OPCML: variants seen among roughly 807,000 people sequenced by gnomAD.
OPCML encodes opioid binding protein/cell adhesion molecule like.
OPCML carries 13 observed loss-of-function variants against 37.8 expected under a neutral mutation model. The observed-to-expected ratio is 0.34, with a 90% CI of 0.22 to 0.55. The LOEUF is 0.55. OPCML is among the 20% of genes least tolerant of loss of function. The pLI, the probability that OPCML is intolerant of heterozygous loss-of-function variation, is 0.91. For synonymous variants in OPCML, 176 were observed against 168.8 expected (o/e 1.04, Z -0.33); for missense variants, 341 against 435.6 (o/e 0.78, Z 1.93).
chr11:133,010,052 T>A (rs1947187379), intron 1 of OPCML, among the ~76,000 whole-genome samples: 2 of 152,210 alleles, frequency 1.3e-5, no homozygotes, highest in Admixed American at 1.3e-4. Context: ...CCAAAGAGTT[T>A]CCCACAGCTG....
At chr11:132,800,754 A>G (rs1938596663) in intron 2 of OPCML, among the ~76,000 whole-genome samples, 1 of 152,128 alleles carries the variant, frequency 6.6e-6, no homozygotes, top group African/African-American at 2.4e-5. Flanking sequence ...GACAAATTGT[A>G]TTTAGTCATG....
intron 1 of OPCML, among the ~76,000 whole-genome samples, chr11:133,460,871 A>G (rs1946842994): frequency 6.6e-6 from 1 of 151,922 alleles, no homozygotes. Flanking sequence ...TAAAAGGGTT[A>G]TACACTGTGA....
At chr11:132,518,041 G>A (rs368511546) in intron 4 of OPCML, among the ~76,000 whole-genome samples, 84 of 152,162 alleles carry the variant, frequency 5.5e-4, no homozygotes, top group South Asian at 5.2e-3. Flanking sequence ...AGTGCTATCA[G>A]AATAAAGACA....
chr11:133,191,333 A>G (rs1399630225), intron 1 of OPCML, among the ~76,000 whole-genome samples: 8 of 152,156 alleles, frequency 5.3e-5, no homozygotes, highest in Admixed American at 5.2e-4. Flanking sequence ...TCATTTTATT[A>G]TAAAATGCAA....
chr11:132,430,633 G>A (rs908466350), intron 7 of OPCML, among the ~76,000 whole-genome samples: 2 of 151,988 alleles, frequency 1.3e-5, no homozygotes, highest in South Asian at 2.1e-4. Context: ...TTTCACTTGC[G>A]ATGACAGGAT....
intron 4 of OPCML, among the ~76,000 whole-genome samples, chr11:132,452,451 C>A (rs569221894): frequency 1.3e-5 from 2 of 152,054 alleles, no homozygotes; most frequent in Non-Finnish European, 2.9e-5. Context: ...GAAGCTGGAT[C>A]TAAAAGCTGT....
At chr11:132,690,658 G>A (rs1943363156) in intron 2 of OPCML, among the ~76,000 whole-genome samples, 1 of 152,200 alleles carries the variant, frequency 6.6e-6, no homozygotes, top group South Asian at 2.1e-4. Context: ...AACATGGGAT[G>A]TTTGAGTGTG....
In OPCML at chr11:132,888,452, G is replaced by A. The variant is rs1252175498; in HGVS notation, c.146+54474C>T. Among the ~76,000 whole-genome samples the A allele has an allele frequency of 4.6e-5, 7 of 152,166 alleles. No individual in the cohort carries two copies. The East Asian group carries it at 9.7e-4, about 21-fold the overall frequency. On this transcript the variant is annotated intron_variant, in intron 2 of 7. Transcript: ENST00000524381. ...TGAGGGATGCTCATGGAGAAGGAAC[G>A]TGAAGGAGCCTGTGCCTGCCTTACT...
At position 132,533,780 on chromosome 11, in the gene OPCML, T is replaced by A. The variant is rs188536870; in HGVS notation, c.380-4594A>T. On this transcript the variant is annotated intron_variant, in intron 3 of 7. Coordinates refer to ENST00000524381, the MANE Select transcript of OPCML (RefSeq NM_001012393.5). ...TGCTTGGAAAACCCATTCCCACACC[T>A]ATGCCATCTGATCCACCCACTCTCC... Among the ~76,000 whole-genome samples the A allele has an allele frequency of 1.2e-4, 18 of 152,252 alleles. No individual in the cohort carries two copies. The East Asian group carries it at 1.9e-3, about 16-fold the overall frequency.
chr11:133,448,594 G>A (rs4128652), intron 1 of OPCML, among the ~76,000 whole-genome samples: 41,331 of 151,978 alleles, frequency 0.27, 6,871 homozygotes, highest in African/African-American at 0.47. Context: ...AGTAGCTGGG[G>A]TTACAGGTGC....
chr11:133,246,820 A>ATAGT (rs1209765273), intron 1 of OPCML, among the ~76,000 whole-genome samples: 1 of 152,262 alleles, frequency 6.6e-6, no homozygotes, highest in Non-Finnish European at 1.5e-5. Context: ...AATTGTAATG[A>ATAGT]TAGTACCAGT....
rs538941994 is a variant in OPCML at position 132,801,084 on chromosome 11, T to C, written c.146+141842A>G. ...TCAACTTATTTACTTTGTATAGGTC[T>C]ACTCAAATTTTTAATTTCTTCTTTA... On this transcript the variant is annotated intron_variant, in intron 2 of 7. Transcript: ENST00000524381. Among the ~76,000 whole-genome samples the C allele has an allele frequency of 3.9e-5, 6 of 152,358 alleles. No homozygotes were observed. The South Asian group carries it at 1.2e-3, about 32-fold the overall frequency.
intron 2 of OPCML, among the ~76,000 whole-genome samples, chr11:132,824,211 C>G (rs1352531912): frequency 2.0e-5 from 3 of 152,226 alleles, no homozygotes; most frequent in Non-Finnish European, 2.9e-5. Context: ...TCCTCCTTCT[C>G]TGGCTTTCTT....
intron 1 of OPCML, among the ~76,000 whole-genome samples, chr11:133,138,311 C>A (rs142061831): frequency 6.6e-6 from 1 of 152,156 alleles, no homozygotes; most frequent in Non-Finnish European, 1.5e-5. Flanking sequence ...GTGGGCTAAA[C>A]GTCTTTTGCT....
At chr11:133,321,682 A>G (rs935061310) in intron 1 of OPCML, among the ~76,000 whole-genome samples, 13 of 152,152 alleles carry the variant, frequency 8.5e-5, no homozygotes, top group African/African-American at 2.9e-4. Flanking sequence ...GCAAATACCC[A>G]TTTGTCTTAT....
intron 1 of OPCML, among the ~76,000 whole-genome samples, chr11:133,318,726 C>T (rs1943260988): frequency 6.6e-6 from 1 of 152,110 alleles, no homozygotes; most frequent in Non-Finnish European, 1.5e-5. Flanking sequence ...GTTACTGGCT[C>T]CATTCTCTAT....
chr11:132,889,045 G>C (rs776163552), intron 2 of OPCML, among the ~76,000 whole-genome samples: 5 of 152,180 alleles, frequency 3.3e-5, no homozygotes, highest in African/African-American at 1.2e-4. Context: ...CTTATGTCCA[G>C]GTACAGTGAG....
At chr11:133,087,299 T>C (rs1373954550) in intron 1 of OPCML, among the ~76,000 whole-genome samples, 1 of 152,208 alleles carries the variant, frequency 6.6e-6, no homozygotes, top group Non-Finnish European at 1.5e-5. Context: ...ATTTTAAGTA[T>C]TATTTTAGGT....
chr11:132,448,524 G>A (rs1201458456), intron 4 of OPCML, among the ~76,000 whole-genome samples: 2 of 152,136 alleles, frequency 1.3e-5, no homozygotes, highest in African/African-American at 4.8e-5. Context: ...GCACTCAAGG[G>A]GCGAAGTCTC....
Sources: gnomAD v4.1 joint callset for allele counts (sites outside exome capture counted in the v4.1 genomes callset) on GRCh38, gnomAD v4.1.1 for gene constraint, MANE v1.5 for transcripts, NCBI Gene and HGNC (gene_info 2026-07-23, HGNC 2026-07-21) for gene names.